RELN: variants seen among roughly 807,000 people sequenced by gnomAD.
The protein encoded by RELN is reelin.
In RELN, 108 loss-of-function variants were observed where a neutral mutation model predicts 427.6. The observed-to-expected ratio is 0.25, with a 90% CI of 0.22 to 0.30. The LOEUF (loss-of-function observed/expected upper bound fraction) is 0.30, where lower values mean the gene tolerates loss of function less well. Ranked by LOEUF, RELN falls within the 10% of genes least tolerant of loss-of-function variation. The pLI, the probability that RELN is intolerant of heterozygous loss-of-function variation, is 1.00. For missense variants in RELN, 3,715 were observed against 4,302.8 expected, an observed-to-expected ratio of 0.86 and a Z score of 3.82; for synonymous variants, 1,524 against 1,513.4, an observed-to-expected ratio of 1.01 and a Z score of -0.16.
At chr7:103,847,765 T>G (rs576414096) in intron 2 of RELN, among the ~76,000 whole-genome samples, 2 of 152,270 alleles carry the variant, frequency 1.3e-5, no homozygotes, top group Non-Finnish European at 2.9e-5. Flanking sequence ...TGTATTTATA[T>G]CTCTAAAGCC....
intron 8 of RELN, among the ~76,000 whole-genome samples, chr7:103,703,959 G>A (rs942658217): frequency 6.6e-6 from 1 of 152,134 alleles, no homozygotes; most frequent in African/African-American, 2.4e-5. Context: ...TCTAAGGTTT[G>A]GTAGTCATAA....
rs185966632 is a variant in RELN at position 103,779,362 on chromosome 7, A to T, written c.474-2735T>A. Among the ~76,000 whole-genome samples, 207 of 152,330 alleles carry T rather than the reference A, an allele frequency of 1.4e-3. 1 individual carries two copies. Among genetic ancestry groups the T allele is most frequent in the African/African-American group, 4.8e-3 (200 of 41,572 alleles). On this transcript the variant is annotated intron_variant, in intron 3 of 64. Coordinates refer to ENST00000428762, the MANE Select transcript of RELN (RefSeq NM_005045.4). Reference sequence around the variant, plus strand: ...TCTGAAGTCCCCTGCTTGGGAAAAGAAGTAGTAGTAATAATAATAGTGGCT... The same window carrying T: ...TCTGAAGTCCCCTGCTTGGGAAAAGTAGTAGTAGTAATAATAATAGTGGCT...
chr7:103,564,635 G>C (rs981002229), intron 34 of RELN, among the ~76,000 whole-genome samples: 3 of 151,986 alleles, frequency 2.0e-5, no homozygotes, highest in African/African-American at 7.3e-5. Context: ...TAGGAGGCTG[G>C]GAAATGCAGC....
chr7:103,851,558 T>G (rs986775846), intron 2 of RELN, among the ~76,000 whole-genome samples: 1 of 152,050 alleles, frequency 6.6e-6, no homozygotes, highest in Non-Finnish European at 1.5e-5. Context: ...TGGAAGGAGC[T>G]CTCCGTAGTA....
chr7:103,588,464 T>C (rs1831330072), intron 28 of RELN, among the ~76,000 whole-genome samples: 6 of 152,084 alleles, frequency 3.9e-5, no homozygotes, highest in Admixed American at 3.9e-4. Context: ...AAGGAATAAA[T>C]TCAATGCTTG....
At chr7:103,923,600 C>A (rs1029065376) in intron 1 of RELN, among the ~76,000 whole-genome samples, 1 of 152,134 alleles carries the variant, frequency 6.6e-6, no homozygotes, top group African/African-American at 2.4e-5. Flanking sequence ...ATTCCAGGAA[C>A]AAATGGACTC....
intron 2 of RELN, among the ~76,000 whole-genome samples, chr7:103,905,824 C>T (rs959030695): frequency 6.6e-5 from 10 of 152,064 alleles, no homozygotes; most frequent in African/African-American, 9.6e-5. Context: ...TCCGAGAAGA[C>T]GGAGAAGCAC....
chr7:103,574,822 A>T (rs1293217972), intron 29 of RELN, among the ~76,000 whole-genome samples: 3 of 151,634 alleles, frequency 2.0e-5, no homozygotes, highest in South Asian at 2.1e-4. Flanking sequence ...GAAAAATAAT[A>T]AAAAAAAAGA....
intron 3 of RELN, among the ~76,000 whole-genome samples, chr7:103,788,930 C>T (rs1286394749): frequency 6.6e-6 from 1 of 152,150 alleles, no homozygotes; most frequent in African/African-American, 2.4e-5. Context: ...TACCTGACTT[C>T]AAATTGTACT....
Position 103,714,539 on chromosome 7 carries a change from C to T in RELN, c.805+8601G>A, listed in dbSNP as rs75312120. On this transcript the variant is annotated intron_variant, in intron 8 of 64. Transcript: ENST00000428762. ...GTATGCTCTCCGCTGCTGTCCCTGACGTCTGACAGTGTGTGCACATCCCAC... is the reference window on the plus strand; with the variant it reads ...GTATGCTCTCCGCTGCTGTCCCTGATGTCTGACAGTGTGTGCACATCCCAC... 9.6e-3 allele frequency among the ~76,000 whole-genome samples: 1,460 copies of T among 152,268 alleles called. 27 individuals are homozygous for T. Among genetic ancestry groups the T allele is most frequent in the African/African-American group, 0.033 (1,377 of 41,538 alleles).
Position 103,594,354 on chromosome 7 carries a change from C to T in RELN, c.3678G>A (p.Gln1226=). The T allele has an allele frequency of 6.2e-7, 1 of 1,614,000 alleles. No homozygotes were observed. Among genetic ancestry groups the T allele is most frequent in the Non-Finnish European group, 8.5e-7 (1 of 1,179,904 alleles). The change falls in exon 26 of 65, where the codon CAG becomes CAA. Residue 1226 remains glutamine (Q), a synonymous_variant. Coordinates refer to ENST00000428762, the MANE Select transcript of RELN (RefSeq NM_005045.4). ...DIIILSEKQK[Q]IIPVINPTLP... The stretch of plus-strand genomic sequence containing the variant: ...AAGTTGGATTGATAACTGGGATGAT[C>T]TGCTTCTGCTTCTCGGACAGAATGA...
intron 1 of RELN, among the ~76,000 whole-genome samples, chr7:103,981,085 A>G (rs1796983968): frequency 6.6e-6 from 1 of 152,214 alleles, no homozygotes; most frequent in Admixed American, 6.5e-5. Context: ...TTCCTATGTC[A>G]ATATGTAATA....
chr7:103,603,386 T>C lies in RELN; in HGVS notation c.3251A>G (p.Gln1084Arg). Residue 1084 changes from glutamine to arginine, a missense_variant, in exon 24 of 65, where the codon CAA becomes CGA. This residue lies in a region of RELN where 2,208 missense variants were observed against 2,361.7 expected (regional missense o/e 0.93). Transcript: ENST00000428762. The surrounding 1 kb of genome is among the most constrained non-coding windows in gnomAD (Gnocchi z 4.3). Reference protein sequence around the residue: ...ENQNGWESDWQEVIGGEIVKP... With the variant: ...ENQNGWESDWREVIGGEIVKP... ...TACAATTTCTCCCCCAATAACTTCTTGCCAGTCAGACTCCCAGCCATTCTG... is the reference window on the plus strand; with the variant it reads ...TACAATTTCTCCCCCAATAACTTCTCGCCAGTCAGACTCCCAGCCATTCTG... The C allele has an allele frequency of 1.9e-6, 3 of 1,613,918 alleles. No homozygotes were observed. The highest frequency in any genetic ancestry group is 1.3e-5 in the African/African-American group (1 of 75,022).
At chr7:103,611,077 T>C (rs1725038365) in intron 21 of RELN, among the ~76,000 whole-genome samples, 1 of 152,184 alleles carries the variant, frequency 6.6e-6, no homozygotes, top group Non-Finnish European at 1.5e-5. Context: ...AGAGACGGAT[T>C]AGGATTCTGT....
intron 15 of RELN, among the ~76,000 whole-genome samples, chr7:103,651,423 A>C (rs758862358): frequency 2.6e-5 from 4 of 152,136 alleles, no homozygotes; most frequent in Non-Finnish European, 5.9e-5. Context: ...AAGTTCATGC[A>C]GTCCAAAATA....
At position 103,741,402 on chromosome 7, in the gene RELN, A is replaced by T. The variant is rs1270484584; in HGVS notation, c.656+8024T>A. On this transcript the variant is annotated intron_variant, in intron 6 of 64. Transcript: ENST00000428762. ...ATAATATAAATATATTTAATTTGGC[A>T]TTTGTTTTTTATGAAAATGCAATGA... Among the ~76,000 whole-genome samples the T allele has an allele frequency of 2.2e-4, 33 of 151,898 alleles. 1 individual carries two copies. The highest frequency in any genetic ancestry group is 2.2e-3 in the Admixed American group (33 of 15,258).
intron 1 of RELN, among the ~76,000 whole-genome samples, chr7:103,974,985 G>A (rs928784714): frequency 2.0e-5 from 3 of 152,122 alleles, no homozygotes; most frequent in Non-Finnish European, 4.4e-5. Flanking sequence ...CTAACATATA[G>A]TTAAAGTAAA....
intron 19 of RELN, among the ~76,000 whole-genome samples, chr7:103,631,395 G>A (rs1384101228): frequency 1.4e-5 from 2 of 140,126 alleles, no homozygotes; most frequent in Admixed American, 1.6e-4. Flanking sequence ...CCAGGTTCAA[G>A]TGATTATCCT....
intron 8 of RELN, among the ~76,000 whole-genome samples, chr7:103,710,692 A>T (rs990672036): frequency 6.6e-6 from 1 of 152,238 alleles, no homozygotes; most frequent in Admixed American, 6.5e-5. Flanking sequence ...GAGGCAGAAT[A>T]CCCTTTCTAT....
Sources: gnomAD v4.1 joint callset for allele counts (sites outside exome capture counted in the v4.1 genomes callset) on GRCh38, gnomAD v4.1.1 for gene constraint, gnomAD v4.1.1 regional missense constraint, Gnocchi (gnomAD v3.1) non-coding constraint, MANE v1.5 for transcripts, NCBI Gene and HGNC (gene_info 2026-07-23, HGNC 2026-07-21) for gene names.